The following FBP1 variants were observed in gnomAD, a reference collection of about 807,000 sequenced individuals.
FBP1 encodes fructose-1,6-bisphosphatase 1.
FBP1 carries 22 observed loss-of-function variants against 29.9 expected under a neutral mutation model. The observed-to-expected ratio is 0.74, with a 90% CI of 0.53 to 1.05. The LOEUF is 1.05. Ranked by LOEUF, FBP1 falls within the 50% of genes least tolerant of loss-of-function variation. The probability of loss-of-function intolerance (pLI) is 0.00; values close to 1 mark genes in which losing one functional copy is unlikely to be tolerated. For missense variants in FBP1, 345 were observed against 448.2 expected (o/e 0.77, Z 2.08); for synonymous variants, 175 against 178.6 (o/e 0.98, Z 0.16).
intron 5 of FBP1, 31 bp downstream of exon 5, chr9:94,606,784 C>A (rs1297525393): frequency 6.2e-7 from 1 of 1,607,490 alleles, no homozygotes; most frequent in Non-Finnish European, 8.5e-7. Context: ...ATGCCCAGAA[C>A]CTGCACCACC....
rs139017488 is a variant in FBP1, at chr9:94,603,425, C to T, written c.973G>A (p.Val325Met). 2 of 1,613,944 alleles carry T rather than the reference C, an allele frequency of 1.2e-6. No individual in the cohort carries two copies. The highest frequency in any genetic ancestry group is 1.7e-6 in the Non-Finnish European group (2 of 1,180,002). The stretch of plus-strand genomic sequence containing the variant: ...TCATACACCTTCAGGAACTCGAGCA[C>T]GTCGTCGGGGGATCCCAAGATCACC... The part of the protein sequence containing the change: ...APVILGSPDD[V>M]LEFLKVYEKH... Residue 325 changes from valine (V) to methionine (M), a missense_variant, in exon 7 of 7, where the codon GTG (valine) becomes ATG (methionine). Physicochemically the swap from Val to Met is conservative, Grantham distance 21. Transcript: ENST00000375326.
At position 94,609,851 on chromosome 9, in the gene FBP1, TC is replaced by T. The variant is rs28369731; in HGVS notation, c.567+69del. On this transcript the variant is annotated intron_variant, in intron 4 of 6. Coordinates refer to ENST00000375326, the MANE Select transcript of FBP1 (RefSeq NM_000507.4). ...TCCCACCTCCACATACCCCTGCCAA[TC>T]CCCCACACATATCATTCATTTGCTC... 2.5e-4 allele frequency: 392 copies of T among 1,548,996 alleles called. 2 individuals are homozygous for T. The African/African-American group carries it at 5.0e-3, about 20-fold the overall frequency.
intron 3 of FBP1, among the ~76,000 whole-genome samples, chr9:94,616,573 C>A (rs915246685): frequency 6.6e-6 from 1 of 151,796 alleles, no homozygotes; most frequent in Non-Finnish European, 1.5e-5. Context: ...CCCGGGACTA[C>A]AGGCGCCCAC....
intron 1 of FBP1, among the ~76,000 whole-genome samples, chr9:94,624,798 C>T (rs1487844334): frequency 1.1e-4 from 17 of 152,110 alleles, no homozygotes; most frequent in Non-Finnish European, 2.5e-4. Context: ...CACATATTTC[C>T]AAATGGAAGG....
intron 6 of FBP1, chr9:94,604,031 T>C: frequency 7.5e-6 from 2 of 266,962 alleles, no homozygotes; most frequent in South Asian, 4.5e-5. Context: ...CAGTGTGATA[T>C]TGTTTGCAAC....
chr9:94,637,673 G>C (rs1026746197), intron 1 of FBP1, among the ~76,000 whole-genome samples: 3 of 152,168 alleles, frequency 2.0e-5, no homozygotes, highest in Admixed American at 6.5e-5. Flanking sequence ...TGACAGGCTA[G>C]AGCCTACGCG....
chr9:94,637,976 C>T (rs549154461), intron 1 of FBP1, among the ~76,000 whole-genome samples: 1 of 151,678 alleles, frequency 6.6e-6, no homozygotes, highest in East Asian at 2.0e-4. Flanking sequence ...ATCCCAGCTA[C>T]TCGGGAGACT....
At chr9:94,634,892 G>A (rs964633289) in intron 1 of FBP1, among the ~76,000 whole-genome samples, 3 of 151,908 alleles carry the variant, frequency 2.0e-5, no homozygotes, top group Non-Finnish European at 2.9e-5. Flanking sequence ...AGGCCAGTTC[G>A]ACCCTGGTCA....
rs994301133 is a variant in FBP1 at position 94,637,873 on chromosome 9, G to A, written c.170+1268C>T. Among the ~76,000 whole-genome samples, 8 of 151,924 alleles carry A rather than the reference G, an allele frequency of 5.3e-5. No individual in the cohort carries two copies. In the East Asian group the frequency reaches 5.9e-4, roughly 11 times the overall value. ...GGAGGCCAAGGCATCACCGGAGGTC[G>A]GGAGTTCGAGACCAGCCTGACCAAC... is the stretch of plus-strand genomic sequence containing the variant. On this transcript the variant is annotated intron_variant, in intron 1 of 6. Coordinates refer to ENST00000375326, the MANE Select transcript of FBP1 (RefSeq NM_000507.4).
At chr9:94,627,280 G>A (rs1342761516) in intron 1 of FBP1, among the ~76,000 whole-genome samples, 2 of 151,600 alleles carry the variant, frequency 1.3e-5, no homozygotes, top group African/African-American at 4.9e-5. Context: ...ACCTGAACCC[G>A]GGAGGCGGAG....
At chr9:94,633,512 G>A (rs909031884) in intron 1 of FBP1, among the ~76,000 whole-genome samples, 3 of 152,086 alleles carry the variant, frequency 2.0e-5, no homozygotes, top group African/African-American at 7.2e-5. Flanking sequence ...CCTACCATGA[G>A]TACTCCATGC....
At chr9:94,616,917 CCTCT>C (rs57093330) in intron 3 of FBP1, among the ~76,000 whole-genome samples, 8 of 149,262 alleles carry the variant, frequency 5.4e-5, no homozygotes, top group Non-Finnish European at 7.4e-5. Flanking sequence ...TCCTCTCTCT[CCTCT>C]CTCTCTCTCT....
At chr9:94,625,887 G>A (rs1008133161) in intron 1 of FBP1, among the ~76,000 whole-genome samples, 7 of 151,750 alleles carry the variant, frequency 4.6e-5, no homozygotes, top group Non-Finnish European at 8.8e-5. Flanking sequence ...ACCAAATCAC[G>A]CAGGACCCTC....
At chr9:94,603,736 T>C in intron 6 of FBP1, 164 bp from the exon 7 acceptor site, 1 of 699,396 alleles carries the variant, frequency 1.4e-6, no homozygotes, top group Non-Finnish European at 2.6e-6. Flanking sequence ...CACCCCAGGT[T>C]GCATCTGAGA....
intron 1 of FBP1, among the ~76,000 whole-genome samples, chr9:94,635,251 C>T (rs1828175317): frequency 6.6e-6 from 1 of 152,254 alleles, no homozygotes. Context: ...GTCATCTCAT[C>T]TTCCTCGGTC....
intron 2 of FBP1, 88 bp from the exon 3 acceptor site, chr9:94,617,948 T>C: frequency 9.7e-7 from 1 of 1,026,950 alleles, no homozygotes; most frequent in Non-Finnish European, 1.5e-6. Context: ...AATGGGAATT[T>C]AGAAGAAAGT....
chr9:94,627,017 T>A (rs1003729046), intron 1 of FBP1, among the ~76,000 whole-genome samples: 1 of 152,016 alleles, frequency 6.6e-6, no homozygotes, highest in African/African-American at 2.4e-5. Flanking sequence ...GGAGAAACCC[T>A]GTCTCTACTA....
At chr9:94,619,172 C>T (rs1331111955) in intron 2 of FBP1, among the ~76,000 whole-genome samples, 1 of 152,146 alleles carries the variant, frequency 6.6e-6, no homozygotes, top group Non-Finnish European at 1.5e-5. Context: ...ACGCCTAAAG[C>T]TGCCAAAGAC....
chr9:94,632,272 C>G (rs1452152116), intron 1 of FBP1, among the ~76,000 whole-genome samples: 1 of 152,092 alleles, frequency 6.6e-6, no homozygotes, highest in East Asian at 1.9e-4. Context: ...CAACATTGTT[C>G]TAATATGTAA....
Sources: gnomAD v4.1 joint callset for allele counts (sites outside exome capture counted in the v4.1 genomes callset) on GRCh38, gnomAD v4.1.1 for gene constraint, MANE v1.5 for transcripts, NCBI Gene and HGNC (gene_info 2026-07-23, HGNC 2026-07-21) for gene names.